Variants in CSMD1 observed in about 807,000 individuals in gnomAD.
CSMD1 encodes CUB and Sushi multiple domains 1, also known as CUB and sushi domain-containing protein 1.
CSMD1 carries 213 observed loss-of-function variants against 417.5 expected under a neutral mutation model. That is an observed-to-expected ratio of 0.51 (90% confidence interval 0.46 to 0.57). The LOEUF is 0.57. CSMD1 is among the 20% of genes least tolerant of loss of function. CSMD1 has a pLI of 0.00. For missense variants in CSMD1, 6,923 were observed against 4,529.7 expected (o/e 1.53, Z -15.17); for synonymous variants, 2,862 against 1,736.8 (o/e 1.65, Z -16.11).
intron 18 of CSMD1, among the ~76,000 whole-genome samples, chr8:3,382,084 C>T (rs1249967675): frequency 6.6e-6 from 1 of 151,986 alleles, no homozygotes; most frequent in Non-Finnish European, 1.5e-5. Context: ...ATGGCAAAAC[C>T]CTGTCTCTAC....
chr8:4,789,464 A>G (rs1302959174), intron 1 of CSMD1, among the ~76,000 whole-genome samples: 1 of 152,164 alleles, frequency 6.6e-6, no homozygotes, highest in Non-Finnish European at 1.5e-5. Context: ...AACGCATTTA[A>G]ACGCCTGGCA....
At chr8:4,293,475 A>C (rs979709436) in intron 3 of CSMD1, among the ~76,000 whole-genome samples, 6 of 152,226 alleles carry the variant, frequency 3.9e-5, no homozygotes, top group Non-Finnish European at 5.9e-5. Flanking sequence ...TATTATTTAT[A>C]TATCTAGCTC....
In CSMD1 at chr8:2,936,855, G is replaced by A. The variant is rs1289867394; in HGVS notation, c.*1730C>T. 5 of 152,264 alleles carry A rather than the reference G, an allele frequency of 3.3e-5. No individual in the cohort carries two copies. The highest frequency in any genetic ancestry group is 6.8e-3 in the Middle Eastern group (2 of 294). 9.4% of individuals were successfully genotyped at this position (152,264 alleles called of 1,614,324 possible). A position where few individuals can be genotyped will look rare whatever the true frequency, so the allele number is the denominator to read the frequency against. On this transcript the variant is annotated 3_prime_UTR_variant, in exon 70 of 70. Coordinates refer to ENST00000635120, the MANE Select transcript of CSMD1 (RefSeq NM_033225.6). ...CATGGAAACCTTCAGTACACCAACA[G>A]ATAAATCAGTCTTAAAGCTAGGTGT...
chr8:4,393,225 A>C (rs148624843), intron 3 of CSMD1, among the ~76,000 whole-genome samples: 4,530 of 151,916 alleles, frequency 0.03, 209 homozygotes, highest in African/African-American at 0.1. Context: ...ATCTACCCAC[A>C]TCAGCCTCCC....
Position 4,453,072 on chromosome 8 carries a change from A to G in CSMD1, c.303-33007T>C, listed in dbSNP as rs535801557. On this transcript the variant is annotated intron_variant, in intron 2 of 69. Transcript: ENST00000635120. ...TGTTGTGCTAGGACCATGAATGGTGATAAGCTCTCCTGGGGCTATAGACAG... is the reference window on the plus strand; with the variant it reads ...TGTTGTGCTAGGACCATGAATGGTGGTAAGCTCTCCTGGGGCTATAGACAG... Among the ~76,000 whole-genome samples, 137 of 152,278 alleles carry G rather than the reference A, an allele frequency of 9.0e-4. 1 individual carries two copies. Among genetic ancestry groups the G allele is most frequent in the African/African-American group, 3.2e-3 (133 of 41,548 alleles).
intron 21 of CSMD1, among the ~76,000 whole-genome samples, chr8:3,356,859 C>T (rs895919310): frequency 1.3e-5 from 2 of 152,158 alleles, no homozygotes; most frequent in African/African-American, 4.8e-5. Context: ...TGATCCAGGA[C>T]AGCGTGGAGG....
intron 10 of CSMD1, among the ~76,000 whole-genome samples, chr8:3,570,479 A>C (rs1187355151): frequency 1.3e-5 from 2 of 152,186 alleles, no homozygotes; most frequent in South Asian, 2.1e-4. Context: ...CATTTCATTA[A>C]ACATGACCAA....
Position 3,399,141 on chromosome 8 carries a change from G to A in CSMD1, c.2405+250C>T, listed in dbSNP as rs570147558. On this transcript the variant is annotated intron_variant, in intron 16 of 69. Transcript: ENST00000635120. ...AAACCCAGAGTCAGATACAAGGGTC[G>A]GACCTCGGGAATGGTCCTCCAGGAC... Among the ~76,000 whole-genome samples, 26 of 152,200 alleles carry A rather than the reference G, an allele frequency of 1.7e-4. 1 individual carries two copies. In the South Asian group the frequency reaches 4.4e-3, roughly 26 times the overall value.
chr8:3,577,014 A>C (rs907352666), intron 9 of CSMD1, among the ~76,000 whole-genome samples: 1 of 152,222 alleles, frequency 6.6e-6, no homozygotes, highest in Non-Finnish European at 1.5e-5. Context: ...CTGCATTTCA[A>C]GCTTTTAAAA....
At chr8:4,986,365 T>C (rs1415560108) in intron 1 of CSMD1, among the ~76,000 whole-genome samples, 1 of 152,224 alleles carries the variant, frequency 6.6e-6, no homozygotes, top group Non-Finnish European at 1.5e-5. Context: ...TACTCATTTG[T>C]TAGAGATCAA....
intron 6 of CSMD1, among the ~76,000 whole-genome samples, chr8:3,729,580 T>C (rs547122937): frequency 3.9e-4 from 59 of 152,070 alleles, no homozygotes; most frequent in Non-Finnish European, 6.3e-4. Flanking sequence ...CAGTAAGACT[T>C]CATGACAACC....
chr8:3,759,009 G>A (rs560880515), intron 5 of CSMD1, among the ~76,000 whole-genome samples: 8 of 152,278 alleles, frequency 5.3e-5, no homozygotes, highest in East Asian at 1.9e-4. Context: ...CTTTATAACT[G>A]GAAACGCAAA....
In CSMD1 at chr8:2,974,632, A is replaced by G. The variant is rs550300044; in HGVS notation, c.8567-8T>C. On this transcript the variant is annotated splice_polypyrimidine_tract_variant and splice_region_variant and intron_variant, in intron 55 of 69. Coordinates refer to ENST00000635120, the MANE Select transcript of CSMD1 (RefSeq NM_033225.6). The stretch of plus-strand genomic sequence containing the variant: ...GGTGTCCACACGATATAGCTTCAGA[A>G]AAAAGATAAAACAATTGAGTACATC... 5 of 1,566,150 alleles carry G rather than the reference A, an allele frequency of 3.2e-6. No individual in the cohort carries two copies. The highest frequency in any genetic ancestry group is 2.4e-5 in the South Asian group (2 of 84,834).
chr8:3,223,068 C>G (rs1178853135), intron 28 of CSMD1, among the ~76,000 whole-genome samples: 1 of 152,134 alleles, frequency 6.6e-6, no homozygotes, highest in Non-Finnish European at 1.5e-5. Context: ...GTTCAAAAGT[C>G]AAAGTCTAAA....
rs111435983 is a variant in CSMD1 at position 4,279,207 on chromosome 8, A to AACACACAC, written c.415+140738_415+140745dup. On this transcript the variant is annotated intron_variant, in intron 3 of 69. Transcript: ENST00000635120. ...TCTCTGTAAACGCAGTATACACACT[A>AACACACAC]ACACACACACACAATTAAGCAGTCG... 4.1e-3 allele frequency among the ~76,000 whole-genome samples: 620 copies of AACACACAC among 152,070 alleles called. 5 individuals carry two copies. Among genetic ancestry groups the AACACACAC allele is most frequent in the African/African-American group, 0.014 (563 of 41,496 alleles).
intron 1 of CSMD1, among the ~76,000 whole-genome samples, chr8:4,766,034 T>A (rs1462138223): frequency 6.6e-6 from 1 of 152,216 alleles, no homozygotes; most frequent in Non-Finnish European, 1.5e-5. Flanking sequence ...AATCTTTACA[T>A]AAATGTTTGG....
At chr8:3,057,870 G>C (rs1004458306) in intron 49 of CSMD1, among the ~76,000 whole-genome samples, 1 of 152,068 alleles carries the variant, frequency 6.6e-6, no homozygotes, top group Non-Finnish European at 1.5e-5. Context: ...AATTTATAGT[G>C]GTTCCTTATT....
chr8:4,105,194 A>T (rs1261680215), intron 3 of CSMD1, among the ~76,000 whole-genome samples: 2 of 152,198 alleles, frequency 1.3e-5, no homozygotes, highest in African/African-American at 2.4e-5. Flanking sequence ...ACATCCTAAG[A>T]TTATTCCAAG....
chr8:4,284,753 T>G (rs972258909), intron 3 of CSMD1, among the ~76,000 whole-genome samples: 1 of 152,164 alleles, frequency 6.6e-6, no homozygotes, highest in Non-Finnish European at 1.5e-5. Context: ...GATGATAGCC[T>G]TCTTCTAACC....
Sources: gnomAD v4.1 joint callset for allele counts (sites outside exome capture counted in the v4.1 genomes callset) on GRCh38, gnomAD v4.1.1 for gene constraint, MANE v1.5 for transcripts, NCBI Gene and HGNC (gene_info 2026-07-23, HGNC 2026-07-21) for gene names.